Variants in NAV1 observed in about 807,000 individuals in gnomAD.
NAV1 encodes pore membrane and/or filament interacting like protein 3.
NAV1 carries 18 observed loss-of-function variants against 175.2 expected under a neutral mutation model. That is an observed-to-expected ratio of 0.10 (90% CI 0.07 to 0.15). The LOEUF (loss-of-function observed/expected upper bound fraction) is 0.15, where lower values mean the gene tolerates loss of function less well. Among genes scored for constraint, NAV1 ranks in the 10% least tolerant of loss-of-function variants. The pLI is 1.00. For missense variants in NAV1, 1,731 were observed against 2,436.6 expected (o/e 0.71, Z 6.10); for synonymous variants, 897 against 978.7 (o/e 0.92, Z 1.56).
rs1389963814 is a variant in NAV1, at chr1:201,810,069, C to T, written c.4525C>T (p.Arg1509Cys). 1.2e-6 allele frequency: 2 copies of T among 1,613,794 alleles called. No individual in the cohort carries two copies. The highest frequency in any genetic ancestry group is 8.5e-7 in the Non-Finnish European group (1 of 1,179,964). ...AGAGCCCCCCGAGATGCCTCCTTGC[C>T]GTCGAGGTGTCAATAACATATCAGT... is the stretch of plus-strand genomic sequence containing the variant. The change falls in exon 23 of 30, where the codon CGT becomes TGT. Residue 1509 changes from arginine (R) to cysteine (C), a missense_variant. By Grantham distance (180) the Arg-to-Cys change is radical. Coordinates refer to ENST00000367296, the Ensembl canonical transcript of NAV1. This position sits in a 1 kb window ranked among gnomAD's most constrained non-coding sequence, Gnocchi z 6.0.
chr1:201,577,235 C>T (rs114977851), intron 1 of NAV1, among the ~76,000 whole-genome samples: 3 of 152,320 alleles, frequency 2.0e-5, no homozygotes, highest in Non-Finnish European at 4.4e-5. Context: ...TTTTCTCCTA[C>T]TCTGTATGTC....
intron 1 of NAV1, among the ~76,000 whole-genome samples, chr1:201,661,205 T>C (rs577427648): frequency 2.0e-5 from 3 of 152,320 alleles, no homozygotes; most frequent in Non-Finnish European, 1.5e-5. Flanking sequence ...CTTGATGTTC[T>C]AGAACCCTTG....
At chr1:201,745,542 T>C (rs1673714871) in intron 3 of NAV1, among the ~76,000 whole-genome samples, 1 of 152,204 alleles carries the variant, frequency 6.6e-6, no homozygotes, top group Non-Finnish European at 1.5e-5. Context: ...TCTTATTTAC[T>C]CTGCCAGTTA....
rs150290943 is a variant in NAV1, at chr1:201,651,434, G to A, written c.757+2009G>A. ...GAGTGGGGAGGAGGGCAGGTGCAGG[G>A]AGGGCGAGAGAGGAGGAGAAGCTGA... On this transcript the variant is annotated intron_variant, in intron 1 of 29. Coordinates refer to ENST00000367296, the Ensembl canonical transcript of NAV1. Among the ~76,000 whole-genome samples, 1,021 of 152,098 alleles carry A rather than the reference G, an allele frequency of 6.7e-3. 12 individuals carry two copies. Among genetic ancestry groups the A allele is most frequent in the African/African-American group, 0.022 (925 of 41,476 alleles).
At chr1:201,763,761 C>G (rs940377653) in intron 3 of NAV1, among the ~76,000 whole-genome samples, 3 of 152,220 alleles carry the variant, frequency 2.0e-5, no homozygotes, top group Non-Finnish European at 4.4e-5. Flanking sequence ...TTCTCTGTCT[C>G]TCCTCTACTA....
At chr1:201,804,215 GT>G (rs1315549574) in intron 16 of NAV1, 3 of 547,976 alleles carry the variant, frequency 5.5e-6, no homozygotes, top group South Asian at 2.2e-5. Flanking sequence ...TGTACGTGTG[GT>G]TTTTTTCTCT....
chr1:201,773,779 C>G (rs1303158046), intron 3 of NAV1, among the ~76,000 whole-genome samples: 1 of 151,980 alleles, frequency 6.6e-6, no homozygotes, highest in Non-Finnish European at 1.5e-5. Flanking sequence ...AATAAGTATC[C>G]CATGGAGAAA....
At chr1:201,580,191 T>C (rs572082843) in intron 1 of NAV1, among the ~76,000 whole-genome samples, 6 of 152,204 alleles carry the variant, frequency 3.9e-5, no homozygotes, top group African/African-American at 7.2e-5. Flanking sequence ...GCTGCCCACA[T>C]TGGGTGAAGA....
chr1:201,822,792 G>C (rs545168661), exon 30 of NAV1: 2 of 152,576 alleles, frequency 1.3e-5, no homozygotes, highest in South Asian at 2.1e-4. Context: ...TTGCACATCT[G>C]GGCCCCTCAC....
intron 3 of NAV1, among the ~76,000 whole-genome samples, chr1:201,775,866 T>G (rs1675907181): frequency 6.6e-6 from 1 of 151,820 alleles, no homozygotes; most frequent in Non-Finnish European, 1.5e-5. Flanking sequence ...GAGACCAGCC[T>G]GAACAACATA....
chr1:201,633,354 T>G (rs1668530186), intron 2 of NAV1, among the ~76,000 whole-genome samples: 1 of 152,242 alleles, frequency 6.6e-6, no homozygotes, highest in South Asian at 2.1e-4. Context: ...TTATTATTAC[T>G]CTGTGTTATG....
chr1:201,620,972 G>A (rs1668151708), upstream of NAV1, among the ~76,000 whole-genome samples: 1 of 152,150 alleles, frequency 6.6e-6, no homozygotes, highest in Non-Finnish European at 1.5e-5. Context: ...CTAGGCTAGA[G>A]TACAGTGGCA....
intron 1 of NAV1, among the ~76,000 whole-genome samples, chr1:201,691,957 C>T (rs2102419201): frequency 6.6e-6 from 1 of 152,328 alleles, no homozygotes; most frequent in Admixed American, 6.5e-5. Context: ...TGCTTGAAGC[C>T]AGCCCAGAAA....
chr1:201,718,897 A>C lies in NAV1; in HGVS notation c.1226+142A>C. Reference sequence around the variant, plus strand: ...AAGTACACAAAAGTGTGCTGTGTACACTTTGTGATTGCCTCTGAAATTCGA... The same window carrying C: ...AAGTACACAAAAGTGTGCTGTGTACCCTTTGTGATTGCCTCTGAAATTCGA... On this transcript the variant is annotated intron_variant, in intron 3 of 29. Transcript: ENST00000367296. The surrounding 1 kb of genome is among the most constrained non-coding windows in gnomAD (Gnocchi z 4.8). 1 of 1,098,316 alleles carries C rather than the reference A, an allele frequency of 9.1e-7. No homozygotes were observed. The highest frequency in any genetic ancestry group is 1.3e-6 in the Non-Finnish European group (1 of 765,836). 68.0% of individuals were successfully genotyped at this position (1,098,316 alleles called of 1,614,324 possible). A position where few individuals can be genotyped will look rare whatever the true frequency, so the allele number is the denominator to read the frequency against.
At chr1:201,762,199 G>A (rs941359305) in intron 3 of NAV1, among the ~76,000 whole-genome samples, 3 of 152,114 alleles carry the variant, frequency 2.0e-5, no homozygotes, top group Admixed American at 1.3e-4. Context: ...AACTGAATCA[G>A]TAGTAGAAAA....
At chr1:201,642,347 G>A (rs1668794582) in intron 2 of NAV1, among the ~76,000 whole-genome samples, 1 of 151,506 alleles carries the variant, frequency 6.6e-6, no homozygotes, top group Admixed American at 6.6e-5. Context: ...CAAGTAGCTG[G>A]GACTACAGTC....
intron 2 of NAV1, among the ~76,000 whole-genome samples, chr1:201,608,007 T>C (rs1398303921): frequency 6.7e-6 from 1 of 148,864 alleles, no homozygotes; most frequent in Non-Finnish European, 1.5e-5. Flanking sequence ...ATAGACATTT[T>C]CTTTTTTATG....
At chr1:201,655,197 A>G (rs2010382) in intron 1 of NAV1, among the ~76,000 whole-genome samples, 110,371 of 151,980 alleles carry the variant, frequency 0.73, 40,271 homozygotes, top group Admixed American at 0.79. Context: ...GTGGCTCCCT[A>G]CCGGGGACCC....
intron 3 of NAV1, among the ~76,000 whole-genome samples, chr1:201,756,737 T>C (rs746167921): frequency 6.6e-6 from 1 of 152,214 alleles, no homozygotes; most frequent in Non-Finnish European, 1.5e-5. Context: ...ACATCCCACA[T>C]TTTTTATAGT....
Sources: allele counts gnomAD v4.1 joint callset (sites outside exome capture counted in the v4.1 genomes callset), GRCh38; gene constraint gnomAD v4.1.1; non-coding constraint Gnocchi (gnomAD v3.1); transcripts MANE v1.5; gene names NCBI Gene and HGNC (gene_info 2026-07-23, HGNC 2026-07-21).